The following CADM2 variants were observed in gnomAD, a reference collection of about 807,000 sequenced individuals.
CADM2 encodes the protein immunoglobulin superfamily member 4D.
Under a neutral mutation model 49.8 loss-of-function variants are expected in CADM2, and 12 were observed. That is an observed-to-expected ratio of 0.24 (90% CI 0.15 to 0.39). The LOEUF (loss-of-function observed/expected upper bound fraction) is 0.39. Ranked by LOEUF, CADM2 falls within the 10% of genes least tolerant of loss-of-function variation. The probability of loss-of-function intolerance (pLI) is 1.00; values close to 1 mark genes in which losing one functional copy is unlikely to be tolerated. For synonymous variants in CADM2, 214 were observed against 175.4 expected (o/e 1.22, Z -1.74); for missense variants, 378 against 492.3 (o/e 0.77, Z 2.20).
At chr3:85,958,145 C>T (rs560428142) in intron 7 of CADM2, among the ~76,000 whole-genome samples, 62 of 152,078 alleles carry the variant, frequency 4.1e-4, no homozygotes, top group African/African-American at 1.4e-3. Context: ...AGGATATGAA[C>T]AGGCACTTCT....
intron 1 of CADM2, among the ~76,000 whole-genome samples, chr3:85,369,768 A>G (rs2033065357): frequency 6.6e-6 from 1 of 152,180 alleles, no homozygotes. Context: ...AAAAGTGCCT[A>G]GATAATCTGC....
intron 1 of CADM2, among the ~76,000 whole-genome samples, chr3:85,661,697 A>C (rs2065410993): frequency 6.6e-6 from 1 of 152,084 alleles, no homozygotes. Flanking sequence ...CTCAAAGTGA[A>C]AGACCACTAG....
At chr3:85,300,561 C>T (rs891523912) in intron 1 of CADM2, among the ~76,000 whole-genome samples, 2 of 152,098 alleles carry the variant, frequency 1.3e-5, no homozygotes. Context: ...GCACCCTGCA[C>T]TTCCCAAACC....
intron 1 of CADM2, among the ~76,000 whole-genome samples, chr3:85,080,865 A>T (rs1246097486): frequency 2.0e-5 from 3 of 152,070 alleles, no homozygotes; most frequent in African/African-American, 7.2e-5. Context: ...GTTTCTAAAA[A>T]TTACACTACA....
intron 1 of CADM2, among the ~76,000 whole-genome samples, chr3:85,543,427 T>TGGGGGG (rs1553739554): frequency 3.8e-5 from 2 of 53,314 alleles, no homozygotes; most frequent in Non-Finnish European, 7.2e-5. Flanking sequence ...CTAATGTGTG[T>TGGGGGG]GTGTGTGTGT....
At chr3:85,009,531 C>T (rs958797844) in intron 1 of CADM2, among the ~76,000 whole-genome samples, 39 of 152,178 alleles carry the variant, frequency 2.6e-4, no homozygotes, top group African/African-American at 8.4e-4. Flanking sequence ...TGAATAAATA[C>T]CAATTCTTGA....
intron 1 of CADM2, among the ~76,000 whole-genome samples, chr3:85,285,278 T>C (rs973365944): frequency 1.3e-5 from 2 of 152,122 alleles, no homozygotes; most frequent in Middle Eastern, 6.3e-3. Flanking sequence ...TTTGCAATGT[T>C]CAGCACATAT....
At chr3:85,137,568 C>A (rs1305353806) in intron 1 of CADM2, among the ~76,000 whole-genome samples, 1 of 151,938 alleles carries the variant, frequency 6.6e-6, no homozygotes, top group Non-Finnish European at 1.5e-5. Context: ...TTAGTATAAA[C>A]CCCTCATATT....
chr3:85,579,931 A>T (rs116364229), intron 1 of CADM2, among the ~76,000 whole-genome samples: 44 of 152,282 alleles, frequency 2.9e-4, no homozygotes, highest in African/African-American at 9.4e-4. Context: ...CAGAAAATGT[A>T]TATGTTTACA....
At chr3:85,828,307 T>G (rs1440818592) in intron 3 of CADM2, among the ~76,000 whole-genome samples, 1 of 151,956 alleles carries the variant, frequency 6.6e-6, no homozygotes, top group African/African-American at 2.4e-5. Flanking sequence ...TATATATGGC[T>G]CATAGGAAAG....
intron 8 of CADM2, among the ~76,000 whole-genome samples, chr3:86,062,255 C>T (rs1201679371): frequency 6.6e-6 from 1 of 152,014 alleles, no homozygotes; most frequent in African/African-American, 2.4e-5. Flanking sequence ...GATTTTTGAA[C>T]TGATTCCAAA....
intron 1 of CADM2, among the ~76,000 whole-genome samples, chr3:85,031,887 T>A (rs771779255): frequency 2.0e-5 from 3 of 149,106 alleles, no homozygotes; most frequent in Non-Finnish European, 4.4e-5. Flanking sequence ...TTTTGTACAT[T>A]TCTGTAAAAA....
chr3:85,500,425 C>T (rs2040069076), intron 1 of CADM2, among the ~76,000 whole-genome samples: 1 of 151,920 alleles, frequency 6.6e-6, no homozygotes, highest in Non-Finnish European at 1.5e-5. Context: ...AGTTTCATCT[C>T]TTAGTAATAC....
intron 1 of CADM2, among the ~76,000 whole-genome samples, chr3:85,051,530 G>A (rs1181276281): frequency 6.6e-6 from 1 of 152,010 alleles, no homozygotes; most frequent in South Asian, 2.1e-4. Context: ...TTGTAGGGAC[G>A]GGGGGAGCTG....
chr3:85,730,804 A>T (rs2067900785), intron 2 of CADM2, among the ~76,000 whole-genome samples: 1 of 152,072 alleles, frequency 6.6e-6, no homozygotes. Context: ...TTTAATCCTG[A>T]TTTGGGGGCT....
At chr3:85,144,620 A>AG (rs1553688088) in intron 1 of CADM2, among the ~76,000 whole-genome samples, 2 of 136,366 alleles carry the variant, frequency 1.5e-5, no homozygotes, top group Non-Finnish European at 3.1e-5. Flanking sequence ...TCAAAAAAAA[A>AG]AAAGAAAGAA....
intron 8 of CADM2, among the ~76,000 whole-genome samples, chr3:86,044,282 G>A (rs1232124639): frequency 1.3e-5 from 2 of 152,124 alleles, no homozygotes; most frequent in Non-Finnish European, 2.9e-5. Flanking sequence ...GCAACCCACA[G>A]AAAGGGAGAA....
chr3:85,158,638 C>T (rs2040218121), intron 1 of CADM2, among the ~76,000 whole-genome samples: 1 of 151,922 alleles, frequency 6.6e-6, no homozygotes, highest in Admixed American at 6.6e-5. Context: ...GGGAATTGAA[C>T]AATGAGAACA....
intron 8 of CADM2, among the ~76,000 whole-genome samples, chr3:86,060,979 C>T (rs71318643): frequency 0.22 from 28,811 of 133,138 alleles, 2,865 homozygotes; most frequent in South Asian, 0.28. Flanking sequence ...AAGGCTATGT[C>T]TCAATAATAA....
Sources: allele counts gnomAD v4.1 joint callset (sites outside exome capture counted in the v4.1 genomes callset), GRCh38; gene constraint gnomAD v4.1.1; transcripts MANE v1.5; gene names NCBI Gene and HGNC (gene_info 2026-07-23, HGNC 2026-07-21).